CCDC40: variants seen among roughly 807,000 people sequenced by gnomAD.
The protein encoded by CCDC40 is coiled-coil domain 40 molecular ruler complex subunit, also known as coiled-coil domain-containing protein 40.
CCDC40 carries 104 observed loss-of-function variants against 124.5 expected under a neutral mutation model. That is an observed-to-expected ratio of 0.84 (90% CI 0.71 to 0.98). The LOEUF is 0.98. Among genes scored for constraint, CCDC40 ranks in the 50% least tolerant of loss-of-function variants. The probability of loss-of-function intolerance (pLI) is 0.00; values close to 1 mark genes in which losing one functional copy is unlikely to be tolerated. For synonymous variants in CCDC40, 580 were observed against 602.9 expected (o/e 0.96, Z 0.56); for missense variants, 1,463 against 1,503.9 (o/e 0.97, Z 0.45).
Position 80,097,284 on chromosome 17 carries a change from G to C in CCDC40, c.3061G>C (p.Glu1021Gln). Residue 1021 changes from glutamate (E) to glutamine (Q), a missense_variant, in exon 19 of 20, where the codon GAA becomes CAA. Physicochemically the swap from Glu to Gln is conservative, Grantham distance 29. Transcript: ENST00000397545. ...CACCAAAACCGTCCTGGAACTGGAA[G>C]AAACACAAAGAAATGTGAGCAGCTC... Reference protein sequence around the residue: ...ECTKTVLELEETQRNVSSSLL... With the variant: ...ECTKTVLELEQTQRNVSSSLL... 2 of 1,614,000 alleles carry C rather than the reference G, an allele frequency of 1.2e-6. No homozygotes were observed. Among genetic ancestry groups the C allele is most frequent in the Non-Finnish European group, 1.7e-6 (2 of 1,180,036 alleles).
intron 3 of CCDC40, among the ~76,000 whole-genome samples, chr17:80,043,583 C>G (rs991063680): frequency 6.6e-6 from 1 of 151,216 alleles, no homozygotes; most frequent in Non-Finnish European, 1.5e-5. Flanking sequence ...CATAAGGAGT[C>G]CCTCCTGGTT....
chr17:80,065,309 A>G (rs576454733), intron 9 of CCDC40, among the ~76,000 whole-genome samples, 176 bp from the exon 10 acceptor site: 8 of 146,612 alleles, frequency 5.5e-5, no homozygotes, highest in East Asian at 2.0e-4. Flanking sequence ...GGTACGGGTT[A>G]TCTTGAAAGC....
intron 2 of CCDC40, 107 bp downstream of exon 2, chr17:80,038,293 G>T: frequency 1.4e-6 from 1 of 738,278 alleles, no homozygotes; most frequent in Non-Finnish European, 2.4e-6. Context: ...CACTTTGGGA[G>T]GCCAAGGCAG....
At chr17:80,070,460 G>T (rs915645833) in intron 10 of CCDC40, among the ~76,000 whole-genome samples, 2 of 152,174 alleles carry the variant, frequency 1.3e-5, no homozygotes, top group African/African-American at 4.8e-5. Flanking sequence ...AAATAGCCAG[G>T]TGTGGTGGTG....
chr17:80,043,795 A>C lies in CCDC40; in HGVS notation c.553-3484A>C, dbSNP rs540077132. Among the ~76,000 whole-genome samples the C allele has an allele frequency of 2.4e-3, 364 of 152,076 alleles. 2 individuals carry two copies. The highest frequency in any genetic ancestry group is 4.1e-3 in the Non-Finnish European group (279 of 67,970). On this transcript the variant is annotated intron_variant, in intron 3 of 19. Coordinates refer to ENST00000397545, the MANE Select transcript of CCDC40 (RefSeq NM_017950.4). ...CAACCTCCCAAAGTGCTGGGATTAC[A>C]GGCATGAGCCACCACGCCCGGCCTC...
intron 7 of CCDC40, among the ~76,000 whole-genome samples, chr17:80,056,009 TATA>T (rs1274645545): frequency 8.6e-5 from 4 of 46,398 alleles, no homozygotes; most frequent in African/African-American, 3.6e-4. Flanking sequence ...TATATATATA[TATA>T]TATATTTTTT....
intron 10 of CCDC40, chr17:80,067,584 A>G: frequency 6.5e-7 from 1 of 1,536,142 alleles, no homozygotes; most frequent in South Asian, 1.2e-5. Flanking sequence ...TTCCGCTGGG[A>G]TACTTCTACG....
At chr17:80,074,319 G>A (rs2038261707) in intron 10 of CCDC40, among the ~76,000 whole-genome samples, 1 of 152,132 alleles carries the variant, frequency 6.6e-6, no homozygotes, top group Non-Finnish European at 1.5e-5. Flanking sequence ...GACCATCCTG[G>A]CTAACACGGT....
chr17:80,090,345 A>ACC lies in CCDC40; in HGVS notation c.2832+461_2832+462insCC, dbSNP rs780517929. On this transcript the variant is annotated intron_variant, in intron 17 of 19. Coordinates refer to ENST00000397545, the MANE Select transcript of CCDC40 (RefSeq NM_017950.4). ...GACGCGCGCAGGCACGTGCACGAAC[A>ACC]AGGGACGCGCGCAGGCACGTGCACG... 178 of 618,636 alleles carry ACC rather than the reference A, an allele frequency of 2.9e-4. 16 individuals carry two copies. In the African/African-American group the frequency reaches 3.6e-3, roughly 13 times the overall value. 38.3% of individuals were successfully genotyped at this position (618,636 alleles called of 1,614,324 possible).
chr17:80,085,512 C>T (rs1449762360), intron 13 of CCDC40, among the ~76,000 whole-genome samples: 2 of 152,180 alleles, frequency 1.3e-5, no homozygotes, highest in Non-Finnish European at 2.9e-5. Context: ...TCCAGAGCCC[C>T]TTAGCCATAT....
At chr17:80,073,194 G>A (rs562065390) in intron 10 of CCDC40, among the ~76,000 whole-genome samples, 1 of 152,076 alleles carries the variant, frequency 6.6e-6, no homozygotes, top group East Asian at 1.9e-4. Flanking sequence ...TAGTAGAGAC[G>A]GGGTTTCACT....
At chr17:80,056,016 A>ATATATATATTT (rs71163913) in intron 7 of CCDC40, among the ~76,000 whole-genome samples, 2 of 10,252 alleles carry the variant, frequency 2.0e-4, no homozygotes, top group Admixed American at 3.0e-3. Flanking sequence ...ATATATATAT[A>ATATATATATTT]TTTTTTTTTT....
At chr17:80,079,668 T>A (rs2038400469) in intron 10 of CCDC40, among the ~76,000 whole-genome samples, 2 of 151,574 alleles carry the variant, frequency 1.3e-5, no homozygotes, top group Admixed American at 1.3e-4. Context: ...ATGCCTGTAA[T>A]CCCATCACTT....
At chr17:80,067,807 C>G (rs954780563) in intron 10 of CCDC40, 1 of 1,445,644 alleles carries the variant, frequency 6.9e-7, no homozygotes, top group African/African-American at 1.4e-5. Context: ...TTCAAAGTCC[C>G]CTGACAGCTC....
At chr17:80,053,821 G>A (rs981610907) in intron 7 of CCDC40, among the ~76,000 whole-genome samples, 1 of 152,166 alleles carries the variant, frequency 6.6e-6, no homozygotes, top group East Asian at 1.9e-4. Context: ...TTGAACCCCT[G>A]ACCTCGTGAT....
Position 80,047,336 on chromosome 17 carries a change from T to C in CCDC40, c.610T>C (p.Phe204Leu), listed in dbSNP as rs1044687017. The C allele has an allele frequency of 2.5e-6, 4 of 1,614,018 alleles. No homozygotes were observed. The highest frequency in any genetic ancestry group is 3.4e-6 in the Non-Finnish European group (4 of 1,179,964). The stretch of plus-strand genomic sequence containing the variant: ...GCTCCCAATGGGCGTCCAGCACCGC[T>C]TCCGGCTGAGCCACGGGAGCGACAT... ...QVLPMGVQHR[F>L]RLSHGSDIES... Residue 204 changes from phenylalanine to leucine, a missense_variant, in exon 4 of 20, where the codon TTC (phenylalanine) becomes CTC (leucine). By Grantham distance (22) the Phe-to-Leu change is conservative (BLOSUM62 0). Transcript: ENST00000397545.
chr17:80,094,135 G>A (rs886565654), intron 17 of CCDC40, among the ~76,000 whole-genome samples: 2 of 151,988 alleles, frequency 1.3e-5, no homozygotes, highest in Non-Finnish European at 2.9e-5. Context: ...GTTTGGGCTG[G>A]GTGCGGTGGC....
In CCDC40 at chr17:80,047,154, T is replaced by A. The variant is rs1422837023; in HGVS notation, c.553-125T>A. ...GAGCCACGTGCCCGGCCAGGTTTTT[T>A]AAAAAACACACAGGTGACTATATTT... is the stretch of plus-strand genomic sequence containing the variant. On this transcript the variant is annotated intron_variant, in intron 3 of 19. Coordinates refer to ENST00000397545, the MANE Select transcript of CCDC40 (RefSeq NM_017950.4). 11 of 1,151,706 alleles carry A rather than the reference T, an allele frequency of 9.6e-6. No homozygotes were observed. In the East Asian group the frequency reaches 2.0e-4, roughly 21 times the overall value. 71.3% of individuals were successfully genotyped at this position (1,151,706 alleles called of 1,614,324 possible).
intron 1 of CCDC40, 152 bp downstream of exon 1, chr17:80,036,843 G>A: frequency 1.5e-6 from 1 of 679,384 alleles, no homozygotes. Flanking sequence ...CCATTTTGCT[G>A]GCCTTTCCCG....
Sources: allele counts gnomAD v4.1 joint callset (sites outside exome capture counted in the v4.1 genomes callset), GRCh38; gene constraint gnomAD v4.1.1; transcripts MANE v1.5; gene names NCBI Gene and HGNC (gene_info 2026-07-23, HGNC 2026-07-21).